DPP10: variants seen among roughly 807,000 people sequenced by gnomAD.
DPP10 encodes the protein inactive dipeptidyl peptidase 10.
DPP10 carries 33 observed loss-of-function variants against 120.9 expected under a neutral mutation model. That is an observed-to-expected ratio of 0.27 (90% CI 0.21 to 0.37). The LOEUF is 0.37. DPP10 is among the 10% of genes least tolerant of loss of function. The probability of loss-of-function intolerance (pLI) is 1.00; values close to 1 mark genes in which losing one functional copy is unlikely to be tolerated. For synonymous variants in DPP10, 337 were observed against 326.1 expected, an observed-to-expected ratio of 1.03 and a Z score of -0.36; for missense variants, 816 against 942.8, an observed-to-expected ratio of 0.87 and a Z score of 1.76.
At chr2:115,739,969 C>A (rs1677053934) in intron 9 of DPP10, 76 bp downstream of exon 9, 3 of 1,500,398 alleles carry the variant, frequency 2.0e-6, no homozygotes, top group African/African-American at 1.4e-5. Flanking sequence ...ATTCTTGGTT[C>A]TTGAACAAGT....
chr2:114,847,601 C>A (rs1688641260), intron 1 of DPP10, among the ~76,000 whole-genome samples: 1 of 152,134 alleles, frequency 6.6e-6, no homozygotes, highest in Admixed American at 6.6e-5. Context: ...AGAAGCAGTT[C>A]ATCTATAGAA....
intron 4 of DPP10, among the ~76,000 whole-genome samples, chr2:115,509,462 T>C (rs1384655967): frequency 6.6e-6 from 1 of 152,032 alleles, no homozygotes; most frequent in Non-Finnish European, 1.5e-5. Context: ...GAGCGTATGG[T>C]TGGATGAAAA....
chr2:115,459,421 T>G (rs1446606079), intron 3 of DPP10, among the ~76,000 whole-genome samples: 1 of 151,990 alleles, frequency 6.6e-6, no homozygotes, highest in East Asian at 1.9e-4. Flanking sequence ...CCTCCCAAAG[T>G]GCTGGGATTA....
chr2:115,161,962 G>T (rs1435538123), intron 1 of DPP10: 2 of 1,433,402 alleles, frequency 1.4e-6, no homozygotes. Context: ...CGGCGATGAC[G>T]GCCGCGAAGC....
intron 1 of DPP10, among the ~76,000 whole-genome samples, chr2:115,086,526 G>T (rs988674772): frequency 6.9e-6 from 1 of 145,918 alleles, no homozygotes; most frequent in Non-Finnish European, 1.5e-5. Flanking sequence ...GCGCCATCTC[G>T]GCTCACTGCA....
In DPP10 at chr2:115,097,323, C is replaced by T. The variant is rs190930097; in HGVS notation, c.61-211916C>T. ...AGACCAAATTTTAAAAATACAGAGA[C>T]TCCAAATCTGATTCTGTATTGAATT... On this transcript the variant is annotated intron_variant, in intron 1 of 25. Coordinates refer to ENST00000410059, the MANE Select transcript of DPP10 (RefSeq NM_020868.6). Among the ~76,000 whole-genome samples, 528 of 152,236 alleles carry T rather than the reference C, an allele frequency of 3.5e-3. 4 individuals are homozygous for T. The highest frequency in any genetic ancestry group is 5.8e-3 in the Non-Finnish European group (392 of 68,012).
Position 114,878,558 on chromosome 2 carries a change from A to G in DPP10, c.61-430681A>G, listed in dbSNP as rs183199903. Among the ~76,000 whole-genome samples, 20 of 152,208 alleles carry G rather than the reference A, an allele frequency of 1.3e-4. No homozygotes were observed. The East Asian group carries it at 3.5e-3, about 26-fold the overall frequency. ...GTCTAACAGTTGCACGTTTATGCCT[A>G]TTAACCACCTCTTCATCATCCTTAG... On this transcript the variant is annotated intron_variant, in intron 1 of 25. Transcript: ENST00000410059.
chr2:115,825,167 G>A (rs1394710473), intron 21 of DPP10, among the ~76,000 whole-genome samples: 2 of 152,178 alleles, frequency 1.3e-5, no homozygotes, highest in African/African-American at 2.4e-5. Context: ...TAGTTTAACT[G>A]AAATCTCTTT....
At chr2:114,669,612 T>A (rs1356695669) in intron 1 of DPP10, among the ~76,000 whole-genome samples, 1 of 152,130 alleles carries the variant, frequency 6.6e-6, no homozygotes, top group Non-Finnish European at 1.5e-5. Context: ...ACTTTCTTTT[T>A]GCTGCTTACT....
At chr2:114,662,690 AC>A (rs1432426330) in intron 1 of DPP10, among the ~76,000 whole-genome samples, 1 of 151,914 alleles carries the variant, frequency 6.6e-6, no homozygotes, top group Non-Finnish European at 1.5e-5. Flanking sequence ...ACGCGCAGAA[AC>A]CAAGCTGTGA....
At chr2:114,966,291 G>A (rs1303440935) in intron 1 of DPP10, among the ~76,000 whole-genome samples, 1 of 152,170 alleles carries the variant, frequency 6.6e-6, no homozygotes, top group Non-Finnish European at 1.5e-5. Flanking sequence ...GGGAGGTGGG[G>A]CCTAGAGGGA....
intron 1 of DPP10, among the ~76,000 whole-genome samples, chr2:114,551,490 T>C (rs1002912863): frequency 1.3e-5 from 2 of 152,238 alleles, no homozygotes; most frequent in East Asian, 3.8e-4. Flanking sequence ...AGTGAATTCC[T>C]TTCCCAGGTA....
chr2:114,769,575 G>A (rs919029345), intron 1 of DPP10, among the ~76,000 whole-genome samples: 1 of 152,180 alleles, frequency 6.6e-6, no homozygotes, highest in African/African-American at 2.4e-5. Flanking sequence ...GCCAAGTATT[G>A]TTACTAGTAG....
intron 1 of DPP10, among the ~76,000 whole-genome samples, chr2:114,773,557 C>T (rs572571497): frequency 2.4e-4 from 37 of 152,172 alleles, no homozygotes; most frequent in Non-Finnish European, 4.7e-4. Flanking sequence ...ACAAGCCCTG[C>T]TCACAACTTC....
chr2:115,806,847 A>G (rs113188326), intron 19 of DPP10, among the ~76,000 whole-genome samples: 13,060 of 150,148 alleles, frequency 0.087, 606 homozygotes, highest in South Asian at 0.12. Context: ...TTGCCCCCCC[A>G]CCCCCAGTTC....
chr2:114,886,229 C>T (rs926195061), intron 1 of DPP10, among the ~76,000 whole-genome samples: 1 of 152,084 alleles, frequency 6.6e-6, no homozygotes, highest in African/African-American at 2.4e-5. Context: ...ATGAATATGT[C>T]TCTGATGTTC....
At chr2:114,567,323 G>A (rs978611869) in intron 1 of DPP10, among the ~76,000 whole-genome samples, 2 of 152,168 alleles carry the variant, frequency 1.3e-5, no homozygotes, top group African/African-American at 2.4e-5. Context: ...TTTTGCAGAT[G>A]TGATCAAAGT....
At chr2:115,308,291 A>T (rs987130760) in intron 1 of DPP10, among the ~76,000 whole-genome samples, 1 of 152,118 alleles carries the variant, frequency 6.6e-6, no homozygotes, top group Non-Finnish European at 1.5e-5. Context: ...TGAGCTGGAT[A>T]TCTTCATATT....
intron 1 of DPP10, among the ~76,000 whole-genome samples, chr2:115,305,057 G>A (rs75537946): frequency 7.9e-5 from 12 of 152,068 alleles, no homozygotes; most frequent in Admixed American, 4.6e-4. Context: ...GAACACAAGC[G>A]TTTCAACTGA....
Sources: allele counts gnomAD v4.1 joint callset (sites outside exome capture counted in the v4.1 genomes callset), GRCh38; gene constraint gnomAD v4.1.1; transcripts MANE v1.5; gene names NCBI Gene and HGNC (gene_info 2026-07-23, HGNC 2026-07-21).